The following SFMBT1 variants were observed in gnomAD, a reference collection of about 807,000 sequenced individuals.
SFMBT1 encodes the protein scm-like with four MBT domains protein 1.
In SFMBT1, 32 loss-of-function variants were observed where a neutral mutation model predicts 108.7. That is an observed-to-expected ratio of 0.29 (90% confidence interval 0.22 to 0.40). The LOEUF is 0.40. Among genes scored for constraint, SFMBT1 ranks in the 10% least tolerant of loss-of-function variants. SFMBT1 has a pLI of 1.00. For missense variants in SFMBT1, 816 were observed against 1,059.6 expected (o/e 0.77, Z 3.19); for synonymous variants, 348 against 369.5 (o/e 0.94, Z 0.67).
intron 5 of SFMBT1, among the ~76,000 whole-genome samples, chr3:52,932,985 A>C (rs530033667): frequency 6.6e-6 from 1 of 152,162 alleles, no homozygotes; most frequent in African/African-American, 2.4e-5. Context: ...AAAATCAAAC[A>C]AAAGTCAAAG....
At chr3:52,959,770 G>C (rs1050795913) in intron 2 of SFMBT1, among the ~76,000 whole-genome samples, 6 of 152,044 alleles carry the variant, frequency 3.9e-5, no homozygotes, top group Non-Finnish European at 8.8e-5. Flanking sequence ...CAATACTCTT[G>C]TTAAGTGAGC....
rs1490850719 is a variant in SFMBT1 at position 52,972,112 on chromosome 3, A to C, written c.-130-2854T>G. On this transcript the variant is annotated intron_variant, in intron 1 of 20. Coordinates refer to ENST00000394752, the MANE Select transcript of SFMBT1 (RefSeq NM_016329.4). Reference sequence around the variant, plus strand: ...GATAGAACGAAGTCAGTGCTAAATAAATATCTGTTGGGTCACTAGGCTTTG... The same window carrying C: ...GATAGAACGAAGTCAGTGCTAAATACATATCTGTTGGGTCACTAGGCTTTG... Among the ~76,000 whole-genome samples, 11 of 152,184 alleles carry C rather than the reference A, an allele frequency of 7.2e-5. No individual in the cohort carries two copies. In the East Asian group the frequency reaches 2.1e-3, roughly 29 times the overall value.
At chr3:53,010,958 T>C (rs1575437200) in intron 1 of SFMBT1, among the ~76,000 whole-genome samples, 1 of 152,208 alleles carries the variant, frequency 6.6e-6, no homozygotes, top group Non-Finnish European at 1.5e-5. Flanking sequence ...TTTACCAGCC[T>C]GCTAGCAACT....
chr3:53,000,402 T>G (rs1698505400), intron 1 of SFMBT1, among the ~76,000 whole-genome samples: 1 of 150,002 alleles, frequency 6.7e-6, no homozygotes, highest in Non-Finnish European at 1.5e-5. Flanking sequence ...TATTTGGAAT[T>G]TTTTTAAGTT....
At chr3:53,031,862 A>G (rs1168469184) in intron 1 of SFMBT1, among the ~76,000 whole-genome samples, 2 of 152,252 alleles carry the variant, frequency 1.3e-5, no homozygotes, top group Non-Finnish European at 2.9e-5. Context: ...ACAGGTTTTA[A>G]TATTCTCTAT....
chr3:52,915,053 A>G (rs1415439790), intron 14 of SFMBT1, among the ~76,000 whole-genome samples: 1 of 152,164 alleles, frequency 6.6e-6, no homozygotes, highest in Non-Finnish European at 1.5e-5. Context: ...ATCAACTCTG[A>G]GTGGTTAGAT....
chr3:53,011,482 C>T (rs1367450768), intron 1 of SFMBT1, among the ~76,000 whole-genome samples: 4 of 152,154 alleles, frequency 2.6e-5, no homozygotes, highest in Non-Finnish European at 4.4e-5. Flanking sequence ...CATTTTATAG[C>T]TGCCAAGTGA....
At chr3:52,906,471 C>A (rs529492811) in intron 19 of SFMBT1, among the ~76,000 whole-genome samples, 1 of 152,226 alleles carries the variant, frequency 6.6e-6, no homozygotes, top group East Asian at 1.9e-4. Context: ...AGTTCCAGCA[C>A]AGATAATTTA....
intron 1 of SFMBT1, among the ~76,000 whole-genome samples, chr3:53,000,045 G>T (rs1698487450): frequency 6.7e-6 from 1 of 149,720 alleles, no homozygotes; most frequent in African/African-American, 2.4e-5. Flanking sequence ...TGTATTTTTA[G>T]TAGAGACAGG....
rs749597201 is a variant in SFMBT1, at chr3:52,907,572, G to C, written c.2068C>G (p.Pro690Ala). The change falls in exon 18 of 21, where the codon CCA becomes GCA. Residue 690 changes from proline (P) to alanine (A), a missense_variant. Physicochemically the swap from Pro to Ala is conservative, Grantham distance 27. Coordinates refer to ENST00000394752, the MANE Select transcript of SFMBT1 (RefSeq NM_016329.4). The part of the protein sequence containing the change: ...KRSSASVDNT[P>A]AGSPQGSGGE... Reference sequence around the variant, plus strand: ...TCTCATACCTGGGGAGAGCCCGCTGGGGTATTATCAACAGATGCAGAGGAG... The same window carrying C: ...TCTCATACCTGGGGAGAGCCCGCTGCGGTATTATCAACAGATGCAGAGGAG... 1 of 1,613,644 alleles carries C rather than the reference G, an allele frequency of 6.2e-7. No homozygotes were observed. The highest frequency in any genetic ancestry group is 8.5e-7 in the Non-Finnish European group (1 of 1,179,902).
chr3:53,024,328 T>C (rs1000573831), intron 1 of SFMBT1, among the ~76,000 whole-genome samples: 2 of 150,070 alleles, frequency 1.3e-5, no homozygotes, highest in Non-Finnish European at 2.9e-5. Context: ...AGGGAGCTAG[T>C]TACTCACATA....
At chr3:53,015,850 G>A (rs1403695874) in intron 1 of SFMBT1, among the ~76,000 whole-genome samples, 6 of 152,132 alleles carry the variant, frequency 3.9e-5, no homozygotes, top group Non-Finnish European at 8.8e-5. Context: ...TCTAAAATTA[G>A]ATTATCATGA....
At chr3:52,956,634 G>A (rs11717132) in intron 2 of SFMBT1, among the ~76,000 whole-genome samples, 13,739 of 151,558 alleles carry the variant, frequency 0.091, 638 homozygotes, top group African/African-American at 0.099. Context: ...GGTGGCGTGC[G>A]CTTATAGTCC....
At chr3:53,037,823 T>A (rs971208132) in intron 1 of SFMBT1, among the ~76,000 whole-genome samples, 1 of 152,102 alleles carries the variant, frequency 6.6e-6, no homozygotes, top group African/African-American at 2.4e-5. Context: ...AAAAATGTTT[T>A]AAAGGCCCGG....
intron 1 of SFMBT1, among the ~76,000 whole-genome samples, chr3:52,999,762 G>A (rs1236166118): frequency 6.7e-6 from 1 of 150,168 alleles, no homozygotes; most frequent in Non-Finnish European, 1.5e-5. Context: ...CAGGGTAGGA[G>A]GCACAATGAG....
chr3:53,040,765 C>T (rs899025761), intron 1 of SFMBT1, among the ~76,000 whole-genome samples: 2 of 151,844 alleles, frequency 1.3e-5, no homozygotes, highest in Non-Finnish European at 2.9e-5. Flanking sequence ...TCAACAGGTA[C>T]TTAACACATC....
rs931240133 is a variant in SFMBT1 at position 53,023,906 on chromosome 3, G to A, written c.-131+21910C>T. ...TATATAACTCATGGGCCAGGGTAGG[G>A]AGCTATGCTATGAAATACTCATTCA... On this transcript the variant is annotated intron_variant, in intron 1 of 20. Transcript: ENST00000394752. Among the ~76,000 whole-genome samples the A allele has an allele frequency of 3.3e-5, 5 of 152,182 alleles. No individual in the cohort carries two copies. In the East Asian group the frequency reaches 9.6e-4, roughly 29 times the overall value.
At chr3:52,920,819 A>G (rs781582131) in intron 11 of SFMBT1, among the ~76,000 whole-genome samples, 169 bp from the exon 12 acceptor site, 16 of 152,082 alleles carry the variant, frequency 1.1e-4, no homozygotes, top group Non-Finnish European at 2.2e-4. Context: ...AAACATTATG[A>G]AAAAAAACTG....
intron 1 of SFMBT1, among the ~76,000 whole-genome samples, chr3:52,983,030 G>T (rs1310805504): frequency 4.6e-5 from 7 of 152,124 alleles, no homozygotes; most frequent in Admixed American, 2.0e-4. Flanking sequence ...AGTTTTAGAG[G>T]AAGGAAAAAG....
Sources: allele counts gnomAD v4.1 joint callset (sites outside exome capture counted in the v4.1 genomes callset), GRCh38; gene constraint gnomAD v4.1.1; transcripts MANE v1.5; gene names NCBI Gene and HGNC (gene_info 2026-07-23, HGNC 2026-07-21).